The following NCK1 variants were observed in gnomAD, a reference collection of about 807,000 sequenced individuals.
The protein encoded by NCK1 is NCK adaptor protein 1.
NCK1 carries 19 observed loss-of-function variants against 36.6 expected under a neutral mutation model. The observed-to-expected ratio is 0.52, with a 90% CI of 0.36 to 0.76. The LOEUF (loss-of-function observed/expected upper bound fraction) is 0.76, where lower values mean the gene tolerates loss of function less well. Among genes scored for constraint, NCK1 ranks in the 30% least tolerant of loss-of-function variants. The probability of loss-of-function intolerance (pLI) is 0.00; values close to 1 mark genes in which losing one functional copy is unlikely to be tolerated. For missense variants in NCK1, 358 were observed against 445.6 expected (o/e 0.80, Z 1.77); for synonymous variants, 165 against 156.0 (o/e 1.06, Z -0.43).
At chr3:136,899,329 G>T in intron 1 of NCK1, 1 of 246,056 alleles carries the variant, frequency 4.1e-6, no homozygotes, top group South Asian at 6.0e-5. Flanking sequence ...ATGGCAGCCA[G>T]AGCAGTCTAC....
At chr3:136,864,404 T>C (rs1272240960) in intron 1 of NCK1, among the ~76,000 whole-genome samples, 1 of 151,752 alleles carries the variant, frequency 6.6e-6, no homozygotes, top group Non-Finnish European at 1.5e-5. Context: ...GGCAGGAGAA[T>C]TGCATGAACC....
At chr3:136,914,116 A>G (rs1939898134) in intron 1 of NCK1, among the ~76,000 whole-genome samples, 1 of 152,240 alleles carries the variant, frequency 6.6e-6, no homozygotes, top group Non-Finnish European at 1.5e-5. Flanking sequence ...TGCGGGGAGC[A>G]GTGGCCTCTA....
In NCK1 at chr3:136,906,960, C is replaced by T. The variant is rs75725949; in HGVS notation, c.-18-21024C>T. ...CCTGTCCTTAGGCTCCCCACTGGTA[C>T]GTGCAGGTACTGGCTGTGGTAGGCA... is the stretch of plus-strand genomic sequence containing the variant. On this transcript the variant is annotated intron_variant, in intron 1 of 3. Coordinates refer to ENST00000481752, the MANE Select transcript of NCK1 (RefSeq NM_001291999.2). Among the ~76,000 whole-genome samples the T allele has an allele frequency of 9.9e-3, 1,511 of 152,192 alleles. 31 individuals carry two copies. Among genetic ancestry groups the T allele is most frequent in the African/African-American group, 0.034 (1,404 of 41,514 alleles).
chr3:136,939,099 C>A (rs1940605896), intron 2 of NCK1, among the ~76,000 whole-genome samples: 1 of 152,178 alleles, frequency 6.6e-6, no homozygotes, highest in African/African-American at 2.4e-5. Flanking sequence ...GTGAAACCAT[C>A]TGGTCCAGAG....
chr3:136,890,954 T>C (rs1157661711), intron 1 of NCK1, among the ~76,000 whole-genome samples: 4 of 152,204 alleles, frequency 2.6e-5, no homozygotes, highest in Admixed American at 6.5e-5. Context: ...TGACAACTCC[T>C]GGAACCATGT....
At chr3:136,936,187 C>T (rs1036931357) in intron 2 of NCK1, among the ~76,000 whole-genome samples, 8 of 151,922 alleles carry the variant, frequency 5.3e-5, no homozygotes, top group African/African-American at 1.5e-4. Context: ...ATTACAGGCA[C>T]ATGCCACCAC....
chr3:136,923,551 C>A (rs766756489), intron 1 of NCK1, among the ~76,000 whole-genome samples: 1 of 116,490 alleles, frequency 8.6e-6, no homozygotes, highest in African/African-American at 3.7e-5. Flanking sequence ...CAGTGCGAGA[C>A]TCCGTCTCAA....
At position 136,949,665 on chromosome 3, in the gene NCK1, G is replaced by A. The variant is rs972834449; in HGVS notation, c.*1212G>A. ...TTAAATTTAAGTAAAGTAGCCATCA[G>A]TATTTTAATTGAAAAATACTAAAGC... On this transcript the variant is annotated 3_prime_UTR_variant, in exon 4 of 4. Coordinates refer to ENST00000481752, the MANE Select transcript of NCK1 (RefSeq NM_001291999.2). The A allele has an allele frequency of 2.6e-5, 4 of 151,942 alleles. No individual in the cohort carries two copies. The highest frequency in any genetic ancestry group is 6.6e-5 in the Admixed American group (1 of 15,232). 9.4% of individuals were successfully genotyped at this position (151,942 alleles called of 1,614,324 possible). A position where few individuals can be genotyped will look rare whatever the true frequency, so the allele number is the denominator to read the frequency against.
intron 1 of NCK1, 120 bp from the exon 2 acceptor site, chr3:136,927,864 T>A: frequency 4.1e-6 from 3 of 740,194 alleles, no homozygotes; most frequent in Non-Finnish European, 6.7e-6. Context: ...CATGTATTTT[T>A]TTCCATATTT....
At chr3:136,873,837 C>T (rs911662062) in intron 1 of NCK1, among the ~76,000 whole-genome samples, 2 of 152,190 alleles carry the variant, frequency 1.3e-5, no homozygotes, top group African/African-American at 4.8e-5. Flanking sequence ...ACATGCCTTT[C>T]ACTATGCGCC....
intron 2 of NCK1, among the ~76,000 whole-genome samples, chr3:136,928,946 C>A (rs924768540): frequency 6.6e-6 from 1 of 150,922 alleles, no homozygotes; most frequent in Non-Finnish European, 1.5e-5. Flanking sequence ...TTTTGGTGTT[C>A]AGGCAAACAT....
intron 1 of NCK1, among the ~76,000 whole-genome samples, chr3:136,871,026 A>C (rs1160553726): frequency 6.6e-6 from 1 of 152,158 alleles, no homozygotes; most frequent in Non-Finnish European, 1.5e-5. Context: ...ATCTTTGTGT[A>C]TAAGGCTTTA....
chr3:136,884,060 C>T (rs1939012283), intron 1 of NCK1, among the ~76,000 whole-genome samples: 1 of 152,080 alleles, frequency 6.6e-6, no homozygotes. Flanking sequence ...GATTAGAGAA[C>T]ACAATTCAAA....
chr3:136,899,577 A>G, intron 1 of NCK1: 1 of 602,306 alleles, frequency 1.7e-6, no homozygotes, highest in East Asian at 3.4e-5. Flanking sequence ...ACTGCCTTCC[A>G]GAAAAATTTT....
At chr3:136,880,844 A>G (rs574008987) in intron 1 of NCK1, among the ~76,000 whole-genome samples, 1 of 152,002 alleles carries the variant, frequency 6.6e-6, no homozygotes, top group South Asian at 2.1e-4. Context: ...CCTGGTCTCA[A>G]GCAGTCCTTC....
intron 2 of NCK1, among the ~76,000 whole-genome samples, chr3:136,939,565 T>C (rs1207010371): frequency 1.3e-5 from 2 of 152,124 alleles, no homozygotes; most frequent in Non-Finnish European, 2.9e-5. Context: ...ATCTTTCTTC[T>C]TTTTTATGCA....
At chr3:136,902,184 GT>G (rs59203615) in intron 1 of NCK1, among the ~76,000 whole-genome samples, 57 of 68,168 alleles carry the variant, frequency 8.4e-4, no homozygotes, top group African/African-American at 2.1e-3. Context: ...TTAACTCTTT[GT>G]TTTTTTTTTT....
At chr3:136,926,133 CTCT>C (rs1940230229) in intron 1 of NCK1, among the ~76,000 whole-genome samples, 1 of 151,802 alleles carries the variant, frequency 6.6e-6, no homozygotes, top group African/African-American at 2.4e-5. Context: ...CAGTGAATGC[CTCT>C]TCATGTTTTT....
intron 1 of NCK1, among the ~76,000 whole-genome samples, chr3:136,864,942 A>T (rs560218585): frequency 8.7e-5 from 11 of 127,156 alleles, no homozygotes; most frequent in Non-Finnish European, 5.0e-5. Flanking sequence ...GTATATATAT[A>T]TATTTTTCTT....
Sources: allele counts gnomAD v4.1 joint callset (sites outside exome capture counted in the v4.1 genomes callset), GRCh38; gene constraint gnomAD v4.1.1; transcripts MANE v1.5; gene names NCBI Gene and HGNC (gene_info 2026-07-23, HGNC 2026-07-21).